ADGRL2: variants seen among roughly 807,000 people sequenced by gnomAD.
ADGRL2 encodes calcium-independent alpha-latrotoxin receptor 2.
ADGRL2 carries 44 observed loss-of-function variants against 157.4 expected under a neutral mutation model. The observed-to-expected ratio is 0.28, with a 90% CI of 0.22 to 0.36. ADGRL2 has a LOEUF of 0.36. Ranked by LOEUF, ADGRL2 falls within the 10% of genes least tolerant of loss-of-function variation. The pLI, the probability that ADGRL2 is intolerant of heterozygous loss-of-function variation, is 1.00. For synonymous variants in ADGRL2, 585 were observed against 624.7 expected (o/e 0.94, Z 0.95); for missense variants, 1,510 against 1,768.9 (o/e 0.85, Z 2.63).
At chr1:81,584,603 G>T (rs1476973219) in intron 3 of ADGRL2, among the ~76,000 whole-genome samples, 1 of 152,052 alleles carries the variant, frequency 6.6e-6, no homozygotes. Flanking sequence ...CAAAGTTAGG[G>T]CTGTTTATAT....
chr1:81,822,512 T>C (rs1470607880), intron 1 of ADGRL2, among the ~76,000 whole-genome samples: 2 of 151,912 alleles, frequency 1.3e-5, no homozygotes, highest in Non-Finnish European at 2.9e-5. Flanking sequence ...TAAAATTTTA[T>C]TTATTTTTAC....
chr1:81,755,340 G>A (rs1202339895), intron 1 of ADGRL2, among the ~76,000 whole-genome samples: 5 of 151,428 alleles, frequency 3.3e-5, no homozygotes, highest in Admixed American at 6.6e-5. Flanking sequence ...AGCACTCAAA[G>A]CACTAGTTTG....
At chr1:81,438,663 C>G (rs529241623) in intron 1 of ADGRL2, among the ~76,000 whole-genome samples, 1 of 152,076 alleles carries the variant, frequency 6.6e-6, no homozygotes, top group Non-Finnish European at 1.5e-5. Flanking sequence ...CAGCCCTGGA[C>G]GGTAACATGG....
intron 2 of ADGRL2, among the ~76,000 whole-genome samples, chr1:81,778,838 T>A (rs895192839): frequency 6.6e-6 from 1 of 152,220 alleles, no homozygotes; most frequent in South Asian, 2.1e-4. Context: ...GTTTTCATAC[T>A]TTGTACCTAA....
intron 1 of ADGRL2, among the ~76,000 whole-genome samples, chr1:81,810,696 G>C (rs940807307): frequency 1.3e-5 from 2 of 151,364 alleles, no homozygotes; most frequent in African/African-American, 4.8e-5. Context: ...TTTTTTTTTA[G>C]TTTGATGAAG....
chr1:81,868,179 A>G (rs2093600062), intron 2 of ADGRL2, among the ~76,000 whole-genome samples: 2 of 152,144 alleles, frequency 1.3e-5, no homozygotes, highest in South Asian at 4.1e-4. Context: ...TGCAGTAGGC[A>G]GTGCTAATAC....
intron 1 of ADGRL2, among the ~76,000 whole-genome samples, chr1:81,403,736 T>TTTA (rs1263611114): frequency 6.6e-6 from 1 of 152,142 alleles, no homozygotes; most frequent in African/African-American, 2.4e-5. Context: ...TATTTGTACA[T>TTTA]TTATCTACCA....
At chr1:81,464,250 G>A (rs1431385816) in intron 2 of ADGRL2, among the ~76,000 whole-genome samples, 1 of 151,692 alleles carries the variant, frequency 6.6e-6, no homozygotes. Context: ...TCTCTATTTA[G>A]TGCCTTCCTT....
intron 1 of ADGRL2, among the ~76,000 whole-genome samples, chr1:81,380,626 T>A (rs2076328021): frequency 6.6e-6 from 1 of 152,214 alleles, no homozygotes; most frequent in Non-Finnish European, 1.5e-5. Context: ...CTAAGCCTTC[T>A]CCTCTCTATT....
intron 2 of ADGRL2, among the ~76,000 whole-genome samples, chr1:81,522,176 G>C (rs2079336266): frequency 6.6e-6 from 1 of 152,002 alleles, no homozygotes; most frequent in Admixed American, 6.6e-5. Context: ...TGTTGGCCAG[G>C]CTGGTCTCGA....
chr1:81,331,530 C>A (rs1661264544), intron 1 of ADGRL2, among the ~76,000 whole-genome samples: 1 of 152,028 alleles, frequency 6.6e-6, no homozygotes. Flanking sequence ...TTGTTTTCCT[C>A]AAATAATTAT....
Position 81,906,927 on chromosome 1 carries a change from A to G in ADGRL2, c.74-90A>G, listed in dbSNP as rs1478786858. The G allele has an allele frequency of 1.4e-5, 14 of 1,032,260 alleles. No homozygotes were observed. In the East Asian group the frequency reaches 3.4e-4, roughly 25 times the overall value. 63.9% of individuals were successfully genotyped at this position (1,032,260 alleles called of 1,614,324 possible). ...ATTTTATGACATCTCTTGACGATAG[A>G]CATGAATCATATTACTTGAAAATGC... On this transcript the variant is annotated intron_variant, in intron 2 of 23. Coordinates refer to ENST00000686636, the MANE Select transcript of ADGRL2 (RefSeq NM_001366006.2).
intron 3 of ADGRL2, among the ~76,000 whole-genome samples, chr1:81,919,722 C>T (rs558956701): frequency 6.6e-6 from 1 of 152,000 alleles, no homozygotes; most frequent in African/African-American, 2.4e-5. Context: ...TCTATGTAAA[C>T]TTGAAAGAAT....
chr1:81,842,673 GA>G (rs1409789091), intron 2 of ADGRL2, among the ~76,000 whole-genome samples: 2 of 151,874 alleles, frequency 1.3e-5, no homozygotes, highest in Admixed American at 1.3e-4. Context: ...CTCTTTTCAA[GA>G]GTATACTCAG....
At chr1:81,537,793 A>T (rs1165616120) in intron 2 of ADGRL2, among the ~76,000 whole-genome samples, 2 of 149,984 alleles carry the variant, frequency 1.3e-5, no homozygotes. Flanking sequence ...TCCACCTCCC[A>T]GGTTCAAGTG....
intron 1 of ADGRL2, chr1:81,426,801 G>A (rs1338247895): frequency 4.1e-5 from 20 of 489,922 alleles, no homozygotes; most frequent in Admixed American, 2.4e-4. Flanking sequence ...GAGAGGAGTC[G>A]ATAAAGCCTG....
At chr1:81,373,621 A>T (rs976218831) in intron 1 of ADGRL2, among the ~76,000 whole-genome samples, 3 of 152,192 alleles carry the variant, frequency 2.0e-5, no homozygotes, top group African/African-American at 7.2e-5. Flanking sequence ...CTTCTCTTGT[A>T]AAACATGGAA....
intron 3 of ADGRL2, among the ~76,000 whole-genome samples, chr1:81,660,606 T>G (rs1411125411): frequency 6.6e-6 from 1 of 152,170 alleles, no homozygotes; most frequent in African/African-American, 2.4e-5. Flanking sequence ...GAACTTTTAG[T>G]AGTTCTTAAA....
At chr1:81,479,220 C>T (rs1206575493) in intron 2 of ADGRL2, among the ~76,000 whole-genome samples, 2 of 151,776 alleles carry the variant, frequency 1.3e-5, no homozygotes, top group Non-Finnish European at 2.9e-5. Flanking sequence ...TGCCTGTAAT[C>T]CCAGCACTTT....
Sources: gnomAD v4.1 joint callset for allele counts (sites outside exome capture counted in the v4.1 genomes callset) on GRCh38, gnomAD v4.1.1 for gene constraint, MANE v1.5 for transcripts, NCBI Gene and HGNC (gene_info 2026-07-23, HGNC 2026-07-21) for gene names.